Variants in TPTE2 observed in about 807,000 individuals in gnomAD.
TPTE2 encodes transmembrane phosphoinositide 3-phosphatase and tensin homolog 2.
In TPTE2, 53 loss-of-function variants were observed where a neutral mutation model predicts 78.6. The ratio of observed to expected loss-of-function variants is 0.67; its 90% CI spans 0.54 to 0.85. The LOEUF (loss-of-function observed/expected upper bound fraction) is 0.85. Ranked by LOEUF, TPTE2 falls within the 40% of genes least tolerant of loss-of-function variation. The pLI is 0.00. For synonymous variants in TPTE2, 175 were observed against 206.2 expected (o/e 0.85, Z 1.30); for missense variants, 461 against 623.0 (o/e 0.74, Z 2.77).
At chr13:19,559,353 C>T in the TPTE2 span, among the ~76,000 whole-genome samples, 1 of 152,138 alleles carries the variant, frequency 6.6e-6, no homozygotes, top group Admixed American at 6.5e-5. Context: ...GGCTCTGGGC[C>T]CTGGCTTGCC....
intron 13 of TPTE2, among the ~76,000 whole-genome samples, chr13:19,447,689 T>C (rs1877927499): frequency 6.6e-6 from 1 of 152,152 alleles, no homozygotes; most frequent in Non-Finnish European, 1.5e-5. Context: ...AAAATTCATT[T>C]AGAGCCCACT....
At chr13:19,529,837 G>A (rs1364571897) in intron 1 of TPTE2, among the ~76,000 whole-genome samples, 1 of 152,026 alleles carries the variant, frequency 6.6e-6, no homozygotes, top group African/African-American at 2.4e-5. Flanking sequence ...ATCTCATTTT[G>A]AAACTTTGTT....
At position 19,502,855 on chromosome 13, in the gene TPTE2, A is replaced by T. The variant is rs535621422; in HGVS notation, c.11+369T>A. Among the ~76,000 whole-genome samples, 332 of 152,150 alleles carry T rather than the reference A, an allele frequency of 2.2e-3. 1 individual carries two copies. The highest frequency in any genetic ancestry group is 7.9e-3 in the African/African-American group (328 of 41,542). On this transcript the variant is annotated intron_variant, in intron 1 of 19. Transcript: ENST00000400230. ...TCTCTCTTGTTGAAGCCAAAAAAAA[A>T]AAAAGAAGCTGCTTACTAGGAACTA...
chr13:19,559,659 C>T, the TPTE2 span, among the ~76,000 whole-genome samples: 4 of 151,530 alleles, frequency 2.6e-5, no homozygotes, highest in African/African-American at 9.7e-5. Flanking sequence ...AAAAGCATCA[C>T]CCACTGGGAG....
In TPTE2 at chr13:19,459,815, C is replaced by T. The variant is rs528865115; in HGVS notation, c.741+4641G>A. ...GTGTTGTGGGGAACTCTTCCTTGTC[C>T]AGATTGTCTGTATTCTCCATAGCTG... is the stretch of plus-strand genomic sequence containing the variant. On this transcript the variant is annotated intron_variant, in intron 10 of 19. Coordinates refer to ENST00000400230, the Ensembl canonical transcript of TPTE2. 1.5e-3 allele frequency among the ~76,000 whole-genome samples: 235 copies of T among 152,286 alleles called. 1 individual carries two copies. Among genetic ancestry groups the T allele is most frequent in the Non-Finnish European group, 2.6e-3 (177 of 68,016 alleles).
At chr13:19,519,815 G>A (rs1054373374) in intron 1 of TPTE2, among the ~76,000 whole-genome samples, 1 of 152,150 alleles carries the variant, frequency 6.6e-6, no homozygotes, top group Admixed American at 6.6e-5. Context: ...TCTACAAAAA[G>A]AGAAGCTAGG....
chr13:19,424,759 G>A (rs1446263707), intron 19 of TPTE2, among the ~76,000 whole-genome samples, 188 bp downstream of exon 22: 3 of 152,190 alleles, frequency 2.0e-5, no homozygotes, highest in Non-Finnish European at 4.4e-5. Flanking sequence ...GCAACAGTGG[G>A]TCTCAAGAAC....
At chr13:19,502,595 C>T (rs902304615) in intron 1 of TPTE2, among the ~76,000 whole-genome samples, 2 of 137,660 alleles carry the variant, frequency 1.5e-5, no homozygotes, top group African/African-American at 5.5e-5. Flanking sequence ...GGGAATTGAA[C>T]AATGAGATCA....
At chr13:19,508,372 C>G (rs967169046) in intron 1 of TPTE2, among the ~76,000 whole-genome samples, 2 of 152,098 alleles carry the variant, frequency 1.3e-5, no homozygotes, top group Non-Finnish European at 2.9e-5. Context: ...AGCAAAACTA[C>G]TGGAACACAC....
chr13:19,541,088 A>G (rs1166157356), upstream of TPTE2, among the ~76,000 whole-genome samples: 2 of 152,200 alleles, frequency 1.3e-5, no homozygotes, highest in Non-Finnish European at 2.9e-5. Context: ...GGATTCAGTT[A>G]TCTGAAGCTG....
At chr13:19,472,374 A>G (rs1305560184) in intron 6 of TPTE2, among the ~76,000 whole-genome samples, 1 of 151,856 alleles carries the variant, frequency 6.6e-6, no homozygotes, top group Non-Finnish European at 1.5e-5. Context: ...TGTCTCCTCT[A>G]TGTATTTTGA....
rs1338770110 is a variant in TPTE2, at chr13:19,451,135, C to T, written c.802+30G>A. Reference sequence around the variant, plus strand: ...CGTGCAGTAATCTGTTTTCTACCTACAGTAGCAAAATATAGAGTAATGTAC... The same window carrying T: ...CGTGCAGTAATCTGTTTTCTACCTATAGTAGCAAAATATAGAGTAATGTAC... On this transcript the variant is annotated intron_variant, in intron 11 of 19. Transcript: ENST00000400230. 5 of 1,608,312 alleles carry T rather than the reference C, an allele frequency of 3.1e-6. No homozygotes were observed. In the East Asian group the frequency reaches 6.7e-5, roughly 22 times the overall value.
the TPTE2 span, among the ~76,000 whole-genome samples, chr13:19,550,964 G>A: frequency 6.6e-6 from 1 of 151,812 alleles, no homozygotes; most frequent in Non-Finnish European, 1.5e-5. Flanking sequence ...GCCTAATACT[G>A]GGTTTTCAAA....
intron 19 of TPTE2, among the ~76,000 whole-genome samples, chr13:19,424,644 C>T (rs950376622): frequency 6.6e-6 from 1 of 152,158 alleles, no homozygotes; most frequent in African/African-American, 2.4e-5. Flanking sequence ...GCTGAGCAGA[C>T]TCATATTGAA....
At chr13:19,498,641 G>A (rs147269661) in intron 1 of TPTE2, among the ~76,000 whole-genome samples, 3,735 of 152,048 alleles carry the variant, frequency 0.025, 63 homozygotes, top group Middle Eastern at 0.051. Flanking sequence ...AAGAGCTCCT[G>A]AAGGAAGCGC....
intron 10 of TPTE2, among the ~76,000 whole-genome samples, chr13:19,463,158 AT>A (rs1879047565): frequency 6.7e-6 from 1 of 150,288 alleles, no homozygotes; most frequent in African/African-American, 2.4e-5. Context: ...TAATTTTTGT[AT>A]TTTTTAGAGA....
upstream of TPTE2, among the ~76,000 whole-genome samples, chr13:19,506,395 G>A (rs1020036063): frequency 4.6e-5 from 7 of 151,264 alleles, no homozygotes; most frequent in South Asian, 2.1e-4. Flanking sequence ...GGATGGTCTC[G>A]ATCTCCTGAC....
intron 1 of TPTE2, among the ~76,000 whole-genome samples, chr13:19,515,657 A>G (rs909641212): frequency 6.6e-6 from 1 of 152,212 alleles, no homozygotes; most frequent in Admixed American, 6.5e-5. Flanking sequence ...AAAGGCATCT[A>G]TAGGCATCCG....
intron 1 of TPTE2, among the ~76,000 whole-genome samples, chr13:19,495,986 A>C (rs1357839920): frequency 6.6e-6 from 1 of 152,140 alleles, no homozygotes; most frequent in African/African-American, 2.4e-5. Context: ...CTCCTGCCTC[A>C]GCCTCCCAAC....
Sources: gnomAD v4.1 joint callset for allele counts (sites outside exome capture counted in the v4.1 genomes callset) on GRCh38, gnomAD v4.1.1 for gene constraint, MANE v1.5 for transcripts, NCBI Gene and HGNC (gene_info 2026-07-23, HGNC 2026-07-21) for gene names.